PRR5L: variants seen among roughly 807,000 people sequenced by gnomAD.
PRR5L encodes the protein proline rich 5 like, also known as proline-rich protein 5-like.
Under a neutral mutation model 36.4 loss-of-function variants are expected in PRR5L, and 21 were observed. The ratio of observed to expected loss-of-function variants is 0.58; its 90% confidence interval spans 0.41 to 0.83. The LOEUF is 0.83. PRR5L is among the 40% of genes least tolerant of loss of function. PRR5L has a pLI of 0.00. For synonymous variants in PRR5L, 188 were observed against 197.0 expected (o/e 0.95, Z 0.38); for missense variants, 381 against 473.3 (o/e 0.80, Z 1.81).
chr11:36,375,416 C>T (rs796527452), intron 1 of PRR5L, among the ~76,000 whole-genome samples: 17 of 152,156 alleles, frequency 1.1e-4, no homozygotes, highest in African/African-American at 4.1e-4. Flanking sequence ...TCAACCCGCT[C>T]TCATGCCCAC....
intron 1 of PRR5L, among the ~76,000 whole-genome samples, chr11:36,373,477 G>A (rs1310478145): frequency 6.6e-6 from 1 of 151,946 alleles, no homozygotes; most frequent in African/African-American, 2.4e-5. Flanking sequence ...CGTGGTGGCT[G>A]TGATCCCAGT....
chr11:36,447,742 C>G (rs1326763989), intron 7 of PRR5L, among the ~76,000 whole-genome samples: 1 of 152,172 alleles, frequency 6.6e-6, no homozygotes, highest in Non-Finnish European at 1.5e-5. Context: ...TCTGGGCATT[C>G]TCCCCCTTTC....
At chr11:36,379,691 G>A (rs769099306) in intron 1 of PRR5L, among the ~76,000 whole-genome samples, 1 of 152,218 alleles carries the variant, frequency 6.6e-6, no homozygotes, top group Admixed American at 6.5e-5. Context: ...TGTTTTACAA[G>A]AGAAGATTTC....
chr11:36,358,363 A>T (rs1254413659), intron 1 of PRR5L, among the ~76,000 whole-genome samples: 3 of 152,140 alleles, frequency 2.0e-5, no homozygotes, highest in Admixed American at 2.0e-4. Context: ...TTCAGCACCC[A>T]CCACCCTGAC....
intron 7 of PRR5L, among the ~76,000 whole-genome samples, chr11:36,448,057 G>A (rs1858869818): frequency 1.3e-5 from 2 of 152,082 alleles, no homozygotes; most frequent in Non-Finnish European, 2.9e-5. Context: ...CGGTTTGTTT[G>A]GTTTTGTGGG....
intron 1 of PRR5L, among the ~76,000 whole-genome samples, chr11:36,311,300 A>G (rs147243272): frequency 1.9e-3 from 282 of 152,338 alleles, no homozygotes; most frequent in African/African-American, 6.4e-3. Flanking sequence ...TGACATATCT[A>G]GCACCAACAG....
intron 1 of PRR5L, among the ~76,000 whole-genome samples, chr11:36,297,030 G>A (rs1168542151): frequency 6.6e-6 from 1 of 152,186 alleles, no homozygotes; most frequent in Non-Finnish European, 1.5e-5. Context: ...CCCTGTGCCA[G>A]GCAGCATTCT....
At position 36,387,253 on chromosome 11, in the gene PRR5L, C is replaced by A. The variant is rs542702673; in HGVS notation, c.-125-13744C>A. Reference sequence around the variant, plus strand: ...TGGACACAGGGTGGGGAACACCACACACCGGGGCCTGTCGTGGAGTGTGGG... The same window carrying A: ...TGGACACAGGGTGGGGAACACCACAAACCGGGGCCTGTCGTGGAGTGTGGG... On this transcript the variant is annotated intron_variant, in intron 1 of 8. Transcript: ENST00000530639. 4.7e-4 allele frequency among the ~76,000 whole-genome samples: 71 copies of A among 152,124 alleles called. 1 individual carries two copies. The highest frequency in any genetic ancestry group is 1.7e-3 in the African/African-American group (70 of 41,484).
chr11:36,346,531 C>T (rs1046469628), intron 1 of PRR5L, among the ~76,000 whole-genome samples: 2 of 151,622 alleles, frequency 1.3e-5, no homozygotes, highest in Non-Finnish European at 2.9e-5. Context: ...TGTAGTGAGC[C>T]GAGATTGCGC....
At position 36,351,283 on chromosome 11, in the gene PRR5L, T is replaced by C. The variant is rs1344415165; in HGVS notation, c.-125-49714T>C. On this transcript the variant is annotated intron_variant, in intron 1 of 8. Coordinates refer to ENST00000530639, the MANE Select transcript of PRR5L (RefSeq NM_001160167.2). The stretch of plus-strand genomic sequence containing the variant: ...GTATATTTATATATTTATATATATG[T>C]ATATTTATATATTTATATATATATT... 6.8e-3 allele frequency among the ~76,000 whole-genome samples: 158 copies of C among 23,234 alleles called. 2 individuals are homozygous for C. Among genetic ancestry groups the C allele is most frequent in the African/African-American group, 0.025 (154 of 6,098 alleles). 15.2% of individuals were successfully genotyped at this position (23,234 alleles called of 152,430 possible). A position where few individuals can be genotyped will look rare whatever the true frequency, so the allele number is the denominator to read the frequency against.
At chr11:36,441,661 G>A (rs1039379472) in intron 6 of PRR5L, among the ~76,000 whole-genome samples, 1 of 152,154 alleles carries the variant, frequency 6.6e-6, no homozygotes, top group Non-Finnish European at 1.5e-5. Flanking sequence ...AGTGTCAGGG[G>A]CTCCAACCCC....
intron 8 of PRR5L, among the ~76,000 whole-genome samples, chr11:36,460,974 T>C (rs1859166816): frequency 6.6e-6 from 1 of 152,216 alleles, no homozygotes; most frequent in African/African-American, 2.4e-5. Flanking sequence ...CCAGTGTACA[T>C]CCTCCAGGCA....
chr11:36,423,445 T>C (rs1295606026), intron 4 of PRR5L, among the ~76,000 whole-genome samples: 1 of 152,122 alleles, frequency 6.6e-6, no homozygotes, highest in African/African-American at 2.4e-5. Flanking sequence ...TATACTTTGT[T>C]GGGACAAAGG....
At chr11:36,352,279 T>C (rs892342325) in intron 1 of PRR5L, among the ~76,000 whole-genome samples, 1 of 152,078 alleles carries the variant, frequency 6.6e-6, no homozygotes, top group Admixed American at 6.6e-5. Context: ...TGGGATTATT[T>C]GTTTTTTGTT....
chr11:36,364,210 T>C (rs1230157064), intron 1 of PRR5L, among the ~76,000 whole-genome samples: 1 of 152,230 alleles, frequency 6.6e-6, no homozygotes, highest in Non-Finnish European at 1.5e-5. Flanking sequence ...TTTAGGAGAA[T>C]TAATGAGTTG....
At chr11:36,320,346 C>A (rs889112420) in intron 1 of PRR5L, among the ~76,000 whole-genome samples, 1 of 148,882 alleles carries the variant, frequency 6.7e-6, no homozygotes, top group South Asian at 2.1e-4. Flanking sequence ...CGGGTTCAAG[C>A]GATTCTCCTG....
chr11:36,324,437 G>A (rs145184326), intron 1 of PRR5L, among the ~76,000 whole-genome samples: 6 of 152,250 alleles, frequency 3.9e-5, no homozygotes, highest in East Asian at 1.9e-4. Flanking sequence ...TGCTGGAAAC[G>A]CTCTATATCT....
intron 1 of PRR5L, among the ~76,000 whole-genome samples, chr11:36,369,768 T>C (rs1565421588): frequency 6.6e-6 from 1 of 152,110 alleles, no homozygotes; most frequent in Non-Finnish European, 1.5e-5. Flanking sequence ...CTAATTGTTT[T>C]GTATTTTTGG....
chr11:36,420,483 C>T (rs1185010144), intron 4 of PRR5L, among the ~76,000 whole-genome samples: 2 of 152,072 alleles, frequency 1.3e-5, no homozygotes, highest in African/African-American at 2.4e-5. Flanking sequence ...GTAATAGGAC[C>T]AAACCTTATA....
Sources: allele counts gnomAD v4.1 joint callset (sites outside exome capture counted in the v4.1 genomes callset), GRCh38; gene constraint gnomAD v4.1.1; transcripts MANE v1.5; gene names NCBI Gene and HGNC (gene_info 2026-07-23, HGNC 2026-07-21).